Variants in PDE4D observed in about 807,000 individuals in gnomAD.
PDE4D encodes the protein 3',5'-cyclic-AMP phosphodiesterase 4D.
A neutral mutation model predicts 87.4 loss-of-function variants in PDE4D; 24 were observed. The observed-to-expected ratio is 0.27, with a 90% CI of 0.20 to 0.39. PDE4D has a LOEUF of 0.39. Among genes scored for constraint, PDE4D ranks in the 10% least tolerant of loss-of-function variants. The pLI, the probability that PDE4D is intolerant of heterozygous loss-of-function variation, is 1.00. For missense variants in PDE4D, 714 were observed against 1,041.0 expected (o/e 0.69, Z 4.32); for synonymous variants, 384 against 383.2 (o/e 1.00, Z -0.02).
rs149545340 is a variant in PDE4D, at chr5:59,196,739, CA to C, written c.648-3204del. Among the ~76,000 whole-genome samples, 1,474 of 151,986 alleles carry C rather than the reference CA, an allele frequency of 9.7e-3. 18 individuals carry two copies. Among genetic ancestry groups the C allele is most frequent in the African/African-American group, 0.034 (1,420 of 41,422 alleles). On this transcript the variant is annotated intron_variant, in intron 2 of 14. Transcript: ENST00000340635. Reference sequence around the variant, plus strand: ...GTGTAGTGTGTTAGAAGTCCGAAGACAAAAAACATTTTCAATAGGTGTATAT... The same window carrying C: ...GTGTAGTGTGTTAGAAGTCCGAAGACAAAAACATTTTCAATAGGTGTATAT...
intron 2 of PDE4D, among the ~76,000 whole-genome samples, chr5:60,103,257 TC>T (rs1170309249): frequency 6.6e-6 from 1 of 152,112 alleles, no homozygotes; most frequent in Non-Finnish European, 1.5e-5. Context: ...GGATTCAGAT[TC>T]AAAACAAATG....
chr5:59,662,765 G>A (rs1232202929), intron 1 of PDE4D, among the ~76,000 whole-genome samples: 1 of 152,118 alleles, frequency 6.6e-6, no homozygotes, highest in African/African-American at 2.4e-5. Context: ...GTGAAACAAT[G>A]GGGTAAATAT....
At chr5:59,906,374 A>G (rs1236961226) in intron 3 of PDE4D, among the ~76,000 whole-genome samples, 1 of 152,188 alleles carries the variant, frequency 6.6e-6, no homozygotes, top group Non-Finnish European at 1.5e-5. Flanking sequence ...TAGCCTTCTA[A>G]GCTAGCCTTT....
intron 1 of PDE4D, among the ~76,000 whole-genome samples, chr5:59,486,747 G>A (rs1369002590): frequency 1.3e-5 from 2 of 152,064 alleles, no homozygotes; most frequent in East Asian, 3.9e-4. Context: ...TTCCCTTTCT[G>A]AGCATACAAA....
chr5:60,449,071 G>GCGCA (rs1554037892), intron 1 of PDE4D, among the ~76,000 whole-genome samples: 9 of 95,062 alleles, frequency 9.5e-5, no homozygotes, highest in South Asian at 3.7e-4. Context: ...AACTGCCCGC[G>GCGCA]CACACACACA....
intron 2 of PDE4D, among the ~76,000 whole-genome samples, chr5:59,205,418 A>C (rs1022062186): frequency 2.6e-5 from 4 of 152,128 alleles, no homozygotes; most frequent in African/African-American, 9.7e-5. Context: ...ATCCCAAGGC[A>C]TGGAAATGTT....
rs149728851 is a variant in PDE4D at position 59,050,254 on chromosome 5, C to T, written c.809-11283G>A. 7.0e-3 allele frequency among the ~76,000 whole-genome samples: 1,057 copies of T among 151,976 alleles called. 14 individuals carry two copies. The highest frequency in any genetic ancestry group is 0.024 in the African/African-American group (1,004 of 41,458). On this transcript the variant is annotated intron_variant, in intron 5 of 14. Transcript: ENST00000340635. ...TGCACTCCAGCCTGGGCAATAAGAG[C>T]GAAACTCTGTCCCAAAAAAAGAGAA...
At chr5:59,686,339 A>G (rs1749857923) in intron 1 of PDE4D, among the ~76,000 whole-genome samples, 1 of 152,126 alleles carries the variant, frequency 6.6e-6, no homozygotes, top group South Asian at 2.1e-4. Context: ...CCTATTGTAA[A>G]GATGAAGTAA....
intron 1 of PDE4D, among the ~76,000 whole-genome samples, chr5:59,305,416 A>C (rs1468561103): frequency 1.3e-5 from 2 of 148,822 alleles, no homozygotes; most frequent in African/African-American, 2.5e-5. Context: ...TTCTGCTCTG[A>C]TCTTGATTAT....
At chr5:59,004,431 A>G (rs74873965) in intron 6 of PDE4D, among the ~76,000 whole-genome samples, 1,598 of 152,304 alleles carry the variant, frequency 0.01, 19 homozygotes, top group Non-Finnish European at 0.014. Context: ...AGGGTTTGCT[A>G]TGATTTCTCT....
At chr5:60,144,192 G>T (rs1314776717) in intron 2 of PDE4D, among the ~76,000 whole-genome samples, 1 of 152,176 alleles carries the variant, frequency 6.6e-6, no homozygotes, top group Non-Finnish European at 1.5e-5. Flanking sequence ...AAACTGGGAG[G>T]GGAGAGCTAG....
intron 1 of PDE4D, among the ~76,000 whole-genome samples, chr5:59,865,239 T>G (rs1478557865): frequency 6.6e-6 from 1 of 152,164 alleles, no homozygotes. Context: ...CTTCAATAGA[T>G]TAAACATAAA....
At chr5:59,389,621 C>T (rs1284980408) in intron 1 of PDE4D, among the ~76,000 whole-genome samples, 1 of 152,066 alleles carries the variant, frequency 6.6e-6, no homozygotes, top group East Asian at 1.9e-4. Flanking sequence ...GAAAGGAAAT[C>T]AGTATATTAA....
chr5:60,268,095 C>G (rs1032648584), intron 1 of PDE4D, among the ~76,000 whole-genome samples: 14 of 152,114 alleles, frequency 9.2e-5, no homozygotes, highest in African/African-American at 3.1e-4. Flanking sequence ...GCTACAGCAC[C>G]AAGCACAATG....
chr5:59,745,804 C>G (rs1489417462), intron 1 of PDE4D, among the ~76,000 whole-genome samples: 1 of 152,090 alleles, frequency 6.6e-6, no homozygotes, highest in Non-Finnish European at 1.5e-5. Context: ...GGGCGCACTC[C>G]TAAGACACAG....
At chr5:60,279,608 A>G (rs35955333) in intron 1 of PDE4D, among the ~76,000 whole-genome samples, 33,286 of 151,716 alleles carry the variant, frequency 0.22, 5,227 homozygotes, top group African/African-American at 0.44. Flanking sequence ...TGGTCCTTTA[A>G]TTATAGAAAG....
At chr5:59,024,959 C>T (rs914809354) in intron 6 of PDE4D, among the ~76,000 whole-genome samples, 1 of 151,476 alleles carries the variant, frequency 6.6e-6, no homozygotes, top group Admixed American at 6.6e-5. Flanking sequence ...TAGTTTTTAA[C>T]AAGGGAGGGG....
At chr5:60,077,089 G>A (rs1773379860) in intron 2 of PDE4D, among the ~76,000 whole-genome samples, 1 of 152,198 alleles carries the variant, frequency 6.6e-6, no homozygotes, top group South Asian at 2.1e-4. Context: ...TGACTCTGCT[G>A]TTCTCTGTGT....
chr5:59,953,545 C>T (rs1758517290), intron 3 of PDE4D, among the ~76,000 whole-genome samples: 2 of 152,102 alleles, frequency 1.3e-5, no homozygotes, highest in Admixed American at 1.3e-4. Context: ...ACTCCTAATG[C>T]CTCAGTTATA....
Sources: allele counts gnomAD v4.1 joint callset (sites outside exome capture counted in the v4.1 genomes callset), GRCh38; gene constraint gnomAD v4.1.1; transcripts MANE v1.5; gene names NCBI Gene and HGNC (gene_info 2026-07-23, HGNC 2026-07-21).